RP1: variants seen among roughly 807,000 people sequenced by gnomAD.
RP1 encodes oxygen-regulated protein 1.
In RP1, 16 loss-of-function variants were observed where a neutral mutation model predicts 14.8. The observed-to-expected ratio is 1.08, with a 90% CI of 0.73 to 1.65. RP1 has a LOEUF of 1.65. Ranked by LOEUF, RP1 falls within the 40% of genes most tolerant of loss-of-function variation. The pLI is 0.00. For missense variants in RP1, 2,631 were observed against 2,535.0 expected (o/e 1.04, Z -0.81); for synonymous variants, 876 against 883.6 (o/e 0.99, Z 0.15).
At chr8:54,592,366 C>T (rs1199758498) in intron 1 of RP1, among the ~76,000 whole-genome samples, 2 of 152,112 alleles carry the variant, frequency 1.3e-5, no homozygotes, top group Non-Finnish European at 2.9e-5. Flanking sequence ...TTGGTATCAC[C>T]TTATTTGCTG....
At chr8:54,605,868 C>G (rs1805426674) in intron 1 of RP1, among the ~76,000 whole-genome samples, 1 of 151,986 alleles carries the variant, frequency 6.6e-6, no homozygotes, top group South Asian at 2.1e-4. Flanking sequence ...CAACCCCTGC[C>G]TTTTTTGGTT....
intron 26 of RP1, among the ~76,000 whole-genome samples, chr8:54,853,742 A>AAGAAAGAAAGAGAGAG (rs1383426936): frequency 2.7e-5 from 2 of 73,244 alleles, no homozygotes; most frequent in South Asian, 7.9e-4. Flanking sequence ...AAAAGAGAGA[A>AAGAAAGAAAGAGAGAG]AGAAAGAAAG....
At chr8:54,847,295 A>G (rs1278103405) in intron 25 of RP1, among the ~76,000 whole-genome samples, 1 of 152,218 alleles carries the variant, frequency 6.6e-6, no homozygotes, top group Non-Finnish European at 1.5e-5. Context: ...TGTTTCAGAA[A>G]TCAGTGGACT....
At chr8:54,707,282 C>A (rs1324508543) in intron 15 of RP1, among the ~76,000 whole-genome samples, 3 of 152,116 alleles carry the variant, frequency 2.0e-5, no homozygotes, top group African/African-American at 7.2e-5. Flanking sequence ...TGCCACCATG[C>A]CCTGCTGATT....
chr8:54,601,326 A>G (rs1805279083), intron 1 of RP1, among the ~76,000 whole-genome samples: 3 of 152,132 alleles, frequency 2.0e-5, no homozygotes, highest in Admixed American at 2.0e-4. Flanking sequence ...ACAAGAACAA[A>G]AAACCAAACA....
intron 25 of RP1, among the ~76,000 whole-genome samples, chr8:54,847,841 G>T (rs774104276): frequency 2.0e-5 from 3 of 152,166 alleles, no homozygotes; most frequent in South Asian, 2.1e-4. Flanking sequence ...TAAGTAGCCC[G>T]CACTGTTCAG....
chr8:54,653,588 T>G (rs938251180), intron 5 of RP1, among the ~76,000 whole-genome samples: 1 of 152,168 alleles, frequency 6.6e-6, no homozygotes, highest in African/African-American at 2.4e-5. Flanking sequence ...AGATGATGAG[T>G]AATTCCTTAA....
intron 3 of RP1, among the ~76,000 whole-genome samples, chr8:54,648,585 A>G (rs1182983236): frequency 1.3e-5 from 2 of 152,196 alleles, no homozygotes; most frequent in African/African-American, 2.4e-5. Context: ...TCTAAACTCA[A>G]AAAATATCCT....
At chr8:54,850,510 T>C (rs1349863271) in intron 25 of RP1, among the ~76,000 whole-genome samples, 1 of 152,244 alleles carries the variant, frequency 6.6e-6, no homozygotes, top group African/African-American at 2.4e-5. Context: ...CATATGGCCC[T>C]GCTTTTAAAT....
At chr8:54,754,905 G>T in exon 20 of RP1, 1 of 1,525,952 alleles carries the variant, frequency 6.6e-7, no homozygotes, top group Non-Finnish European at 8.8e-7. Context: ...TGAGCTTCCT[G>T]TAGTAAAAGG....
At chr8:54,855,570 G>A (rs28453837) in intron 26 of RP1, among the ~76,000 whole-genome samples, 6,571 of 152,256 alleles carry the variant, frequency 0.043, 191 homozygotes, top group Non-Finnish European at 0.069. Flanking sequence ...GGCACACAGT[G>A]GGAGAAGATA....
chr8:54,592,361 A>G (rs930421137), intron 1 of RP1, among the ~76,000 whole-genome samples: 7 of 152,184 alleles, frequency 4.6e-5, no homozygotes, highest in African/African-American at 1.7e-4. Context: ...CCAGGTTGGT[A>G]TCACCTTATT....
intron 1 of RP1, among the ~76,000 whole-genome samples, chr8:54,576,357 A>G (rs1320675892): frequency 6.6e-6 from 1 of 151,072 alleles, no homozygotes; most frequent in African/African-American, 2.4e-5. Context: ...AACATGTCAG[A>G]CTCTTAACAC....
intron 24 of RP1, among the ~76,000 whole-genome samples, chr8:54,816,389 T>A (rs927209359): frequency 5.9e-5 from 9 of 152,224 alleles, no homozygotes; most frequent in Non-Finnish European, 8.8e-5. Context: ...AGTCCCCTGC[T>A]TTGATCAAAT....
intron 24 of RP1, among the ~76,000 whole-genome samples, chr8:54,805,288 G>A (rs1810821226): frequency 6.6e-6 from 1 of 151,928 alleles, no homozygotes; most frequent in Non-Finnish European, 1.5e-5. Flanking sequence ...GTTATGCCTG[G>A]CTATCTATTT....
chr8:54,726,615 C>T (rs1348410727), intron 17 of RP1: 2 of 799,806 alleles, frequency 2.5e-6, no homozygotes, highest in African/African-American at 3.6e-5. Flanking sequence ...AAGCTGTTAT[C>T]TTGCTTTTTT....
At position 54,625,030 on chromosome 8, in the gene RP1, C is replaced by G. The variant is rs768249511; in HGVS notation, c.1148C>G (p.Ala383Gly). 6.2e-7 allele frequency: 1 copy of G among 1,614,166 alleles called. No individual in the cohort carries two copies. The highest frequency in any genetic ancestry group is 8.5e-7 in the Non-Finnish European group (1 of 1,180,036). Residue 383 changes from alanine to glycine, a missense_variant, in exon 4 of 4, where the codon GCA (alanine) becomes GGA (glycine). Transcript: ENST00000220676. Reference sequence around the variant, plus strand: ...AGTCGATCATCTGGTTTAAAGCTTGCAGCATGTTCATTCTCTGCAGATGTG... The same window carrying G: ...AGTCGATCATCTGGTTTAAAGCTTGGAGCATGTTCATTCTCTGCAGATGTG... Reference protein sequence around the residue: ...TESRSSGLKLAACSFSADVSP... With the variant: ...TESRSSGLKLGACSFSADVSP...
At chr8:54,651,398 G>T (rs1160691181) in intron 4 of RP1, among the ~76,000 whole-genome samples, 1 of 150,670 alleles carries the variant, frequency 6.6e-6, no homozygotes, top group Non-Finnish European at 1.5e-5. Context: ...TCTGTCCTAG[G>T]TTTTTTTTTC....
intron 24 of RP1, among the ~76,000 whole-genome samples, chr8:54,819,507 G>A (rs2129396237): frequency 6.6e-6 from 1 of 152,120 alleles, no homozygotes; most frequent in South Asian, 2.1e-4. Flanking sequence ...TCTCCTGGAT[G>A]TTCTTGATGT....
Sources: gnomAD v4.1 joint callset for allele counts (sites outside exome capture counted in the v4.1 genomes callset) on GRCh38, gnomAD v4.1.1 for gene constraint, MANE v1.5 for transcripts, NCBI Gene and HGNC (gene_info 2026-07-23, HGNC 2026-07-21) for gene names.